Variants in PPP6R3 observed in about 807,000 individuals in gnomAD.
The protein encoded by PPP6R3 is serine/threonine-protein phosphatase 6 regulatory subunit 3.
PPP6R3 carries 38 observed loss-of-function variants against 110.7 expected under a neutral mutation model. That is an observed-to-expected ratio of 0.34 (90% CI 0.26 to 0.45). PPP6R3 has a LOEUF of 0.45. Among genes scored for constraint, PPP6R3 ranks in the 20% least tolerant of loss-of-function variants. PPP6R3 has a pLI of 1.00. For missense variants in PPP6R3, 870 were observed against 1,062.4 expected (o/e 0.82, Z 2.52); for synonymous variants, 369 against 373.5 (o/e 0.99, Z 0.14).
Position 68,548,204 on chromosome 11 carries a change from T to C in PPP6R3, c.552T>C (p.Asn184=). Residue 184 remains asparagine (N), a splice_region_variant and synonymous_variant, in exon 5 of 24, where the codon AAT becomes AAC. Coordinates refer to ENST00000393800, the MANE Select transcript of PPP6R3 (RefSeq NM_001164161.2). ...CACAGCCCAGGCAAGATGTGCTGAA[T>C]GTGAGTAGAATTCTGACCTGCTGTT... ...EPPQPRQDVL[N]WLNEEKIIQR... The C allele has an allele frequency of 1.9e-6, 3 of 1,613,922 alleles. No individual in the cohort carries two copies. The highest frequency in any genetic ancestry group is 2.5e-6 in the Non-Finnish European group (3 of 1,179,934).
intron 8 of PPP6R3, among the ~76,000 whole-genome samples, chr11:68,562,539 A>G (rs2099429056): frequency 6.6e-6 from 1 of 152,226 alleles, no homozygotes; most frequent in Non-Finnish European, 1.5e-5. Context: ...AGCGACAGCA[A>G]TCAGGACAGT....
intron 16 of PPP6R3, 67 bp from the exon 17 acceptor site, chr11:68,590,593 A>C: frequency 6.9e-7 from 1 of 1,449,544 alleles, no homozygotes; most frequent in Non-Finnish European, 9.3e-7. Context: ...GGAAACTTTC[A>C]TAAATACGGT....
At chr11:68,543,171 G>A (rs1222213856) in intron 3 of PPP6R3, among the ~76,000 whole-genome samples, 1 of 152,162 alleles carries the variant, frequency 6.6e-6, no homozygotes, top group Non-Finnish European at 1.5e-5. Context: ...GGAAACTGAG[G>A]CCCAGAGAGG....
chr11:68,494,250 G>A (rs1020466107), intron 1 of PPP6R3, among the ~76,000 whole-genome samples: 2 of 151,500 alleles, frequency 1.3e-5, no homozygotes, highest in African/African-American at 2.4e-5. Context: ...TCATGGCCGG[G>A]CACGGTGGCT....
At chr11:68,579,447 C>T (rs1349252704) in intron 14 of PPP6R3, among the ~76,000 whole-genome samples, 1 of 152,202 alleles carries the variant, frequency 6.6e-6, no homozygotes, top group African/African-American at 2.4e-5. Context: ...ACTTTACTTA[C>T]GGTATATCTA....
intron 1 of PPP6R3, among the ~76,000 whole-genome samples, chr11:68,471,036 A>T (rs992327257): frequency 6.6e-6 from 1 of 151,992 alleles, no homozygotes; most frequent in Non-Finnish European, 1.5e-5. Context: ...TAATCCCAGC[A>T]CTTTGGGAGG....
intron 5 of PPP6R3, among the ~76,000 whole-genome samples, chr11:68,550,596 T>G (rs753565463): frequency 3.3e-5 from 5 of 152,204 alleles, no homozygotes; most frequent in Non-Finnish European, 5.9e-5. Context: ...GCGGAAAAAC[T>G]CTGCCTCTGT....
In PPP6R3 at chr11:68,470,778, G is replaced by A. The variant is rs77604129; in HGVS notation, c.-158+9951G>A. On this transcript the variant is annotated intron_variant, in intron 1 of 23. Coordinates refer to ENST00000393800, the MANE Select transcript of PPP6R3 (RefSeq NM_001164161.2). ...GGCAGATTGGAGTGGGTGTGAGAGA[G>A]GAGTAAAGGATGATACCAGGGATTT... Among the ~76,000 whole-genome samples the A allele has an allele frequency of 8.5e-5, 13 of 152,224 alleles. No homozygotes were observed. The East Asian group carries it at 2.3e-3, about 27-fold the overall frequency.
At chr11:68,553,309 T>TC (rs1241441710) in intron 6 of PPP6R3, among the ~76,000 whole-genome samples, 1 of 151,842 alleles carries the variant, frequency 6.6e-6, no homozygotes, top group African/African-American at 2.4e-5. Flanking sequence ...TTTTTTTTTT[T>TC]TGAGACGGAG....
chr11:68,552,428 A>C (rs527619590), intron 6 of PPP6R3, among the ~76,000 whole-genome samples: 27 of 152,334 alleles, frequency 1.8e-4, no homozygotes, highest in African/African-American at 6.5e-4. Context: ...GGACTTTATT[A>C]AAGGGACTGT....
At chr11:68,477,329 T>C (rs991259010) in intron 1 of PPP6R3, among the ~76,000 whole-genome samples, 1 of 152,142 alleles carries the variant, frequency 6.6e-6, no homozygotes, top group Non-Finnish European at 1.5e-5. Context: ...ATGATAGACT[T>C]ATTGGGACAT....
chr11:68,479,435 G>C (rs1220478802), intron 1 of PPP6R3, among the ~76,000 whole-genome samples: 1 of 152,190 alleles, frequency 6.6e-6, no homozygotes, highest in African/African-American at 2.4e-5. Context: ...TGGATTGTTT[G>C]ATGAGGGACG....
rs1307438854 is a variant in PPP6R3 at position 68,603,584 on chromosome 11, A to G, written c.2450+92A>G. On this transcript the variant is annotated intron_variant, in intron 22 of 23. Coordinates refer to ENST00000393800, the MANE Select transcript of PPP6R3 (RefSeq NM_001164161.2). ...AACATTAAAATTTTTAATTTGATTCAAATGAATGTTCAGATACTAGCTTGA... is the reference window on the plus strand; with the variant it reads ...AACATTAAAATTTTTAATTTGATTCGAATGAATGTTCAGATACTAGCTTGA... The G allele has an allele frequency of 2.1e-6, 3 of 1,457,492 alleles. No individual in the cohort carries two copies. The South Asian group carries it at 3.6e-5, about 18-fold the overall frequency. 90.3% of individuals were successfully genotyped at this position (1,457,492 alleles called of 1,614,324 possible). A position where few individuals can be genotyped will look rare whatever the true frequency, so the allele number is the denominator to read the frequency against.
At chr11:68,484,753 A>G (rs1382106704) in intron 1 of PPP6R3, among the ~76,000 whole-genome samples, 2 of 151,788 alleles carry the variant, frequency 1.3e-5, no homozygotes, top group Admixed American at 1.3e-4. Flanking sequence ...ACGCCCAGCT[A>G]ATTTTTGTGT....
At chr11:68,561,022 G>A (rs1481074859) in intron 8 of PPP6R3, among the ~76,000 whole-genome samples, 1 of 149,410 alleles carries the variant, frequency 6.7e-6, no homozygotes, top group South Asian at 2.1e-4. Context: ...TCAGTCTCCC[G>A]AGTAGCTGGG....
At chr11:68,591,762 A>T (rs771572115) in intron 18 of PPP6R3, 56 bp downstream of exon 18, 25 of 1,542,040 alleles carry the variant, frequency 1.6e-5, no homozygotes, top group Non-Finnish European at 2.2e-5. Context: ...GAAAATGATT[A>T]TCATGAGACA....
At chr11:68,473,789 C>G (rs1295935199) in intron 1 of PPP6R3, among the ~76,000 whole-genome samples, 1 of 152,184 alleles carries the variant, frequency 6.6e-6, no homozygotes, top group Non-Finnish European at 1.5e-5. Flanking sequence ...GAAAAACACT[C>G]TGCTTTGTTA....
chr11:68,614,597 G>A lies in PPP6R3; in HGVS notation c.*1480G>A. The A allele has an allele frequency of 1.3e-6, 2 of 1,504,874 alleles. No homozygotes were observed. The highest frequency in any genetic ancestry group is 8.8e-7 in the Non-Finnish European group (1 of 1,134,042). The allele number at this position is 1,504,874 out of a possible 1,614,324, so 93.2% of individuals were successfully genotyped here. ...GAAATAAAAGAATCAAACGTCTAAT[G>A]CCTTATTATTTCTGATTTCCTTTTT... On this transcript the variant is annotated 3_prime_UTR_variant, in exon 24 of 24. Transcript: ENST00000393800.
chr11:68,461,903 C>T (rs183067474), intron 1 of PPP6R3, among the ~76,000 whole-genome samples: 4 of 152,244 alleles, frequency 2.6e-5, no homozygotes, highest in Non-Finnish European at 4.4e-5. Flanking sequence ...TTCCAACCAC[C>T]GAACTGTGCC....
Sources: gnomAD v4.1 joint callset for allele counts (sites outside exome capture counted in the v4.1 genomes callset) on GRCh38, gnomAD v4.1.1 for gene constraint, MANE v1.5 for transcripts, NCBI Gene and HGNC (gene_info 2026-07-23, HGNC 2026-07-21) for gene names.